Variants in NBEA observed in about 807,000 individuals in gnomAD.
The protein encoded by NBEA is lysosomal-trafficking regulator 2.
In NBEA, 44 loss-of-function variants were observed where a neutral mutation model predicts 343.4. That is an observed-to-expected ratio of 0.13 (90% CI 0.10 to 0.16). NBEA has a LOEUF of 0.16. NBEA is among the 10% of genes least tolerant of loss of function. The pLI is 1.00. For synonymous variants in NBEA, 1,175 were observed against 1,238.7 expected (o/e 0.95, Z 1.08); for missense variants, 2,555 against 3,631.3 (o/e 0.70, Z 7.62).
chr13:35,206,766 A>G (rs892569575), intron 31 of NBEA, among the ~76,000 whole-genome samples: 2 of 152,102 alleles, frequency 1.3e-5, no homozygotes, highest in Non-Finnish European at 2.9e-5. Context: ...CATTAGTCTT[A>G]CGATTTTACA....
At chr13:35,358,114 C>T (rs1396850051) in intron 38 of NBEA, among the ~76,000 whole-genome samples, 2 of 152,050 alleles carry the variant, frequency 1.3e-5, no homozygotes, top group South Asian at 2.1e-4. Context: ...CTCCACCTCC[C>T]GGGTTCAAGT....
chr13:35,373,379 C>G (rs1489794244), intron 38 of NBEA, among the ~76,000 whole-genome samples: 1 of 152,110 alleles, frequency 6.6e-6, no homozygotes, highest in Admixed American at 6.6e-5. Flanking sequence ...TGTATTCTTA[C>G]AAGAAAGTAA....
intron 35 of NBEA, among the ~76,000 whole-genome samples, chr13:35,305,404 C>G (rs1447622370): frequency 6.6e-6 from 1 of 152,036 alleles, no homozygotes; most frequent in African/African-American, 2.4e-5. Context: ...AAGTTCTTTT[C>G]TTATAGTATG....
chr13:35,163,088 C>T (rs374279182), intron 23 of NBEA, among the ~76,000 whole-genome samples: 6 of 152,126 alleles, frequency 3.9e-5, no homozygotes, highest in African/African-American at 1.4e-4. Context: ...ATATCAGTAG[C>T]CTCCAAGTGA....
chr13:35,351,990 TA>T (rs1341799116), intron 37 of NBEA, among the ~76,000 whole-genome samples, 166 bp from the exon 38 acceptor site: 1 of 152,106 alleles, frequency 6.6e-6, no homozygotes, highest in Non-Finnish European at 1.5e-5. Context: ...CACATTTTTA[TA>T]TTTGAAAGGT....
At chr13:35,373,503 G>C (rs778707111) in intron 38 of NBEA, among the ~76,000 whole-genome samples, 1 of 151,956 alleles carries the variant, frequency 6.6e-6, no homozygotes. Context: ...CCAGGAGTTT[G>C]AGACCAGCCT....
intron 1 of NBEA, among the ~76,000 whole-genome samples, chr13:34,958,601 G>A (rs766439683): frequency 1.3e-5 from 2 of 151,666 alleles, no homozygotes; most frequent in African/African-American, 2.4e-5. Flanking sequence ...ATAGGTGTAA[G>A]TTTAGGCCCT....
At chr13:35,428,261 C>T (rs1467846687) in intron 38 of NBEA, among the ~76,000 whole-genome samples, 9 of 152,120 alleles carry the variant, frequency 5.9e-5, no homozygotes, top group Non-Finnish European at 1.0e-4. Context: ...TGTTCCTATT[C>T]GGCCATCTTG....
chr13:35,043,607 A>G (rs2062734987), intron 2 of NBEA, among the ~76,000 whole-genome samples: 1 of 151,828 alleles, frequency 6.6e-6, no homozygotes. Flanking sequence ...CAGTGATGAC[A>G]TGTTTTATTT....
chr13:34,973,747 G>T (rs1368472202), intron 1 of NBEA, among the ~76,000 whole-genome samples: 1 of 152,184 alleles, frequency 6.6e-6, no homozygotes. Flanking sequence ...GGAATTCCAA[G>T]CCAGTGGGTC....
At chr13:35,108,182 T>G (rs1019657483) in intron 11 of NBEA, among the ~76,000 whole-genome samples, 2 of 151,934 alleles carry the variant, frequency 1.3e-5, no homozygotes, top group African/African-American at 2.4e-5. Context: ...AGGAAAGATG[T>G]GTTGTGTGAT....
chr13:34,960,307 G>A (rs1014005569), intron 1 of NBEA, among the ~76,000 whole-genome samples: 1 of 152,054 alleles, frequency 6.6e-6, no homozygotes, highest in African/African-American at 2.4e-5. Context: ...ATGTGTTTGT[G>A]TTTTAAGCTA....
At chr13:35,364,285 T>C (rs2040982102) in intron 38 of NBEA, among the ~76,000 whole-genome samples, 1 of 151,794 alleles carries the variant, frequency 6.6e-6, no homozygotes, top group Non-Finnish European at 1.5e-5. Context: ...CAACAACACA[T>C]GTAGAGTATA....
At chr13:35,539,505 T>C (rs2078708839) in intron 41 of NBEA, among the ~76,000 whole-genome samples, 1 of 152,202 alleles carries the variant, frequency 6.6e-6, no homozygotes. Context: ...TTTAAATACC[T>C]ACTATGTACC....
At chr13:35,045,603 C>G (rs1343188325) in intron 4 of NBEA, among the ~76,000 whole-genome samples, 1 of 152,104 alleles carries the variant, frequency 6.6e-6, no homozygotes, top group East Asian at 1.9e-4. Context: ...AAGATATTCC[C>G]CTCTACCCAT....
chr13:35,394,938 A>G (rs1395727592), intron 38 of NBEA, among the ~76,000 whole-genome samples: 3 of 152,084 alleles, frequency 2.0e-5, no homozygotes, highest in Admixed American at 2.0e-4. Flanking sequence ...GCATCCCACA[A>G]TTTTTATCTG....
chr13:35,590,471 A>G (rs972798711), intron 46 of NBEA, among the ~76,000 whole-genome samples: 1 of 152,062 alleles, frequency 6.6e-6, no homozygotes, highest in Admixed American at 6.6e-5. Context: ...TTCATTCATA[A>G]CTTTGTTACC....
At chr13:34,968,279 A>G (rs777033419) in intron 1 of NBEA, among the ~76,000 whole-genome samples, 2 of 152,236 alleles carry the variant, frequency 1.3e-5, no homozygotes, top group Admixed American at 6.5e-5. Context: ...CAAGGCTTCA[A>G]TTATGTGGCC....
chr13:35,203,156 G>C (rs2073136750), intron 31 of NBEA, among the ~76,000 whole-genome samples: 1 of 152,108 alleles, frequency 6.6e-6, no homozygotes. Context: ...ATATCCTTCT[G>C]TGCATAAGCC....
Sources: gnomAD v4.1 joint callset for allele counts (sites outside exome capture counted in the v4.1 genomes callset) on GRCh38, gnomAD v4.1.1 for gene constraint, MANE v1.5 for transcripts, NCBI Gene and HGNC (gene_info 2026-07-23, HGNC 2026-07-21) for gene names.